ADAMTSL3: variants seen among roughly 807,000 people sequenced by gnomAD.
ADAMTSL3 encodes the protein ADAMTS like 3, also known as ADAMTS-like protein 3.
A neutral mutation model predicts 201.7 loss-of-function variants in ADAMTSL3; 128 were observed. That is an observed-to-expected ratio of 0.63 (90% CI 0.55 to 0.73). ADAMTSL3 has a LOEUF of 0.73. ADAMTSL3 is among the 30% of genes least tolerant of loss of function. The pLI is 0.00. For synonymous variants in ADAMTSL3, 738 were observed against 748.4 expected, an observed-to-expected ratio of 0.99 and a Z score of 0.23; for missense variants, 1,990 against 2,119.6, an observed-to-expected ratio of 0.94 and a Z score of 1.20.
intron 17 of ADAMTSL3, among the ~76,000 whole-genome samples, chr15:83,935,550 GA>G (rs1055186203): frequency 4.6e-5 from 7 of 151,392 alleles, no homozygotes; most frequent in African/African-American, 1.7e-4. Context: ...TCCCAAACGG[GA>G]AAAAAAATAC....
rs2062007504 is a variant in ADAMTSL3 at position 83,715,693 on chromosome 15, A to G, written c.189+11185A>G. Among the ~76,000 whole-genome samples the G allele has an allele frequency of 3.3e-5, 5 of 152,286 alleles. No homozygotes were observed. The Middle Eastern group carries it at 0.014, about 414-fold the overall frequency. On this transcript the variant is annotated intron_variant, in intron 3 of 29. Transcript: ENST00000286744. The stretch of plus-strand genomic sequence containing the variant: ...TTATACCCCTTGTCAAAAACCTTAC[A>G]TGGGTCCTTGTTTCCTCCTCTGAAA...
In ADAMTSL3 at chr15:83,891,787, A is replaced by G. The variant is rs560731113; in HGVS notation, c.1262+408A>G. 3.3e-5 allele frequency among the ~76,000 whole-genome samples: 5 copies of G among 152,362 alleles called. No homozygotes were observed. The East Asian group carries it at 7.7e-4, about 23-fold the overall frequency. On this transcript the variant is annotated intron_variant, in intron 12 of 29. Coordinates refer to ENST00000286744, the MANE Select transcript of ADAMTSL3 (RefSeq NM_207517.3). The stretch of plus-strand genomic sequence containing the variant: ...CAGTTTGAAGATGCAGCCACACTGT[A>G]TGTTTTAATTGATTTAATTTTCACA...
intron 12 of ADAMTSL3, among the ~76,000 whole-genome samples, chr15:83,892,101 A>G (rs550065817): frequency 1.7e-3 from 262 of 152,260 alleles, no homozygotes; most frequent in Admixed American, 5.0e-3. Flanking sequence ...CTGTAATCCC[A>G]GCTACTTGAG....
intron 16 of ADAMTSL3, among the ~76,000 whole-genome samples, chr15:83,922,869 A>G (rs1000866315): frequency 1.3e-5 from 2 of 152,248 alleles, no homozygotes; most frequent in African/African-American, 2.4e-5. Context: ...ACATTCTTGC[A>G]TGAAAATGAA....
chr15:83,845,148 G>C (rs572789879), intron 7 of ADAMTSL3, among the ~76,000 whole-genome samples: 29 of 152,370 alleles, frequency 1.9e-4, no homozygotes, highest in African/African-American at 7.0e-4. Context: ...CCTCCTCAGA[G>C]AGGCTTTCTT....
In ADAMTSL3 at chr15:83,693,453, T is replaced by G. The variant is rs530493996; in HGVS notation, c.70-10936T>G. ...TGGACCAAGGAGGAAAGGGTCACTCTACTGCCTTGGGTAGAGGCAGATGGA... is the reference window on the plus strand; with the variant it reads ...TGGACCAAGGAGGAAAGGGTCACTCGACTGCCTTGGGTAGAGGCAGATGGA... On this transcript the variant is annotated intron_variant, in intron 2 of 29. Coordinates refer to ENST00000286744, the MANE Select transcript of ADAMTSL3 (RefSeq NM_207517.3). Among the ~76,000 whole-genome samples the G allele has an allele frequency of 2.0e-5, 3 of 152,312 alleles. No homozygotes were observed. The South Asian group carries it at 6.2e-4, about 32-fold the overall frequency.
intron 4 of ADAMTSL3, among the ~76,000 whole-genome samples, chr15:83,798,854 T>C (rs1332190581): frequency 6.6e-6 from 1 of 151,746 alleles, no homozygotes; most frequent in African/African-American, 2.4e-5. Context: ...CACCACTTTT[T>C]GGCTATAATG....
chr15:83,694,670 A>G (rs1002648536), intron 2 of ADAMTSL3, among the ~76,000 whole-genome samples: 1 of 152,118 alleles, frequency 6.6e-6, no homozygotes, highest in Non-Finnish European at 1.5e-5. Context: ...TCGGAGGAAT[A>G]GTTGAGTTTT....
At chr15:83,986,818 G>A (rs1386468113) in intron 21 of ADAMTSL3, among the ~76,000 whole-genome samples, 1 of 152,168 alleles carries the variant, frequency 6.6e-6, no homozygotes, top group Admixed American at 6.5e-5. Flanking sequence ...ATTAGAGATG[G>A]TGCCTATAGA....
At chr15:83,972,495 G>A (rs1186046379) in intron 20 of ADAMTSL3, among the ~76,000 whole-genome samples, 10 of 152,040 alleles carry the variant, frequency 6.6e-5, no homozygotes, top group Non-Finnish European at 1.3e-4. Context: ...AAGTGATACT[G>A]GCAGCTTCCT....
intron 12 of ADAMTSL3, among the ~76,000 whole-genome samples, chr15:83,892,244 A>G (rs575307921): frequency 6.7e-6 from 1 of 150,342 alleles, no homozygotes; most frequent in African/African-American, 2.5e-5. Flanking sequence ...ATTAAAATTT[A>G]AAAAAGGCTG....
At chr15:83,779,247 C>G (rs1000296026) in intron 4 of ADAMTSL3, among the ~76,000 whole-genome samples, 5 of 152,164 alleles carry the variant, frequency 3.3e-5, no homozygotes, top group Admixed American at 6.6e-5. Context: ...CTGAACTCAG[C>G]ACTGGATCAA....
At chr15:83,776,167 A>G (rs1181606305) in intron 4 of ADAMTSL3, among the ~76,000 whole-genome samples, 1 of 152,052 alleles carries the variant, frequency 6.6e-6, no homozygotes, top group Non-Finnish European at 1.5e-5. Flanking sequence ...CTTCCTCTTG[A>G]TTTGGGGTTA....
At chr15:83,984,426 A>G (rs1174325722) in intron 21 of ADAMTSL3, among the ~76,000 whole-genome samples, 2 of 152,234 alleles carry the variant, frequency 1.3e-5, no homozygotes, top group African/African-American at 2.4e-5. Flanking sequence ...GGTAGAAAAA[A>G]TCTAATTTTT....
In ADAMTSL3 at chr15:84,025,251, G is replaced by T; in HGVS notation, c.4471G>T (p.Val1491Leu). The change falls in exon 27 of 30, where the codon GTG (valine) becomes TTG (leucine). Residue 1491 changes from valine (V) to leucine (L), a missense_variant. Physicochemically the swap from Val to Leu is conservative, Grantham distance 32. Transcript: ENST00000286744. The stretch of plus-strand genomic sequence containing the variant: ...TTTTGTTCCTAGGTGGTTCACAAGT[G>T]TGTGGTCACAGTGCTCTGTGTCTTG... ...RDCPARWFTS[V>L]WSQCSVSCGE... 1 of 1,606,690 alleles carries T rather than the reference G, an allele frequency of 6.2e-7. No homozygotes were observed. The highest frequency in any genetic ancestry group is 8.5e-7 in the Non-Finnish European group (1 of 1,176,872).
intron 2 of ADAMTSL3, among the ~76,000 whole-genome samples, chr15:83,668,681 G>A (rs2061282921): frequency 6.6e-6 from 1 of 151,992 alleles, no homozygotes; most frequent in African/African-American, 2.4e-5. Context: ...TGTCCATAAT[G>A]TATTTTTGAC....
chr15:83,685,195 T>C (rs1311114750), intron 2 of ADAMTSL3, among the ~76,000 whole-genome samples: 3 of 152,202 alleles, frequency 2.0e-5, no homozygotes, highest in Non-Finnish European at 4.4e-5. Flanking sequence ...GTTTTTTCCT[T>C]CTTTTAGTTT....
chr15:83,836,002 C>T (rs937308406), intron 6 of ADAMTSL3, among the ~76,000 whole-genome samples: 16 of 152,154 alleles, frequency 1.1e-4, no homozygotes, highest in Non-Finnish European at 1.9e-4. Flanking sequence ...AAAGGTATCA[C>T]CTCATGACAA....
intron 2 of ADAMTSL3, among the ~76,000 whole-genome samples, chr15:83,661,972 G>A (rs201972949): frequency 0.095 from 13,812 of 145,508 alleles, 777 homozygotes; most frequent in South Asian, 0.25. Flanking sequence ...TACACTGTTG[G>A]TGGGACTGTA....
Sources: allele counts gnomAD v4.1 joint callset (sites outside exome capture counted in the v4.1 genomes callset), GRCh38; gene constraint gnomAD v4.1.1; transcripts MANE v1.5; gene names NCBI Gene and HGNC (gene_info 2026-07-23, HGNC 2026-07-21).